Variants in TANGO6 observed in about 807,000 individuals in gnomAD.
TANGO6 encodes the protein transport and Golgi organization protein 6 homolog.
In TANGO6, 90 loss-of-function variants were observed where a neutral mutation model predicts 114.2. The ratio of observed to expected loss-of-function variants is 0.79; its 90% CI spans 0.66 to 0.94. TANGO6 has a LOEUF of 0.94. Ranked by LOEUF, TANGO6 falls within the 40% of genes least tolerant of loss-of-function variation. The pLI is 0.00. For missense variants in TANGO6, 1,274 were observed against 1,315.3 expected (o/e 0.97, Z 0.49); for synonymous variants, 477 against 509.8 (o/e 0.94, Z 0.87).
Position 69,083,625 on chromosome 16 carries a change from A to G in TANGO6, c.3249A>G (p.Pro1083=), listed in dbSNP as rs1336134884. 2.5e-6 allele frequency: 4 copies of G among 1,573,728 alleles called. No individual in the cohort carries two copies. The highest frequency in any genetic ancestry group is 1.2e-5 in the South Asian group (1 of 85,736). The change falls in exon 18 of 18, where the codon CCA becomes CCG. Residue 1083 remains proline, a synonymous_variant. Transcript: ENST00000261778. ...TCATGAAAAACTTCCTGTTCCCTCC[A>G]CAGAAGCTGGAGAAGAAGATCATGG... is the stretch of plus-strand genomic sequence containing the variant. ...DDIMKNFLFP[P]QKLEKKIMVL... is the part of the protein sequence containing the mutation.
chr16:68,881,866 G>A (rs1033177279), intron 7 of TANGO6, among the ~76,000 whole-genome samples: 42 of 152,162 alleles, frequency 2.8e-4, no homozygotes, highest in African/African-American at 9.9e-4. Context: ...TTTATTTTAG[G>A]CCCAGTGTGG....
At chr16:68,942,602 A>G (rs575398362) in intron 14 of TANGO6, among the ~76,000 whole-genome samples, 99 of 152,326 alleles carry the variant, frequency 6.5e-4, no homozygotes, top group Admixed American at 1.5e-3. Flanking sequence ...AACAATTTAG[A>G]TACATCAAGG....
At chr16:69,003,384 G>T (rs1964062611) in intron 15 of TANGO6, among the ~76,000 whole-genome samples, 3 of 152,188 alleles carry the variant, frequency 2.0e-5, no homozygotes, top group Admixed American at 6.5e-5. Flanking sequence ...CCTAAGCCAG[G>T]AATTTAACCC....
At chr16:68,893,116 T>C (rs193261578) in intron 7 of TANGO6, among the ~76,000 whole-genome samples, 37 of 152,284 alleles carry the variant, frequency 2.4e-4, no homozygotes, top group African/African-American at 8.7e-4. Context: ...TTGTTTTGCA[T>C]TTTTTGTTGG....
At chr16:68,891,717 C>A (rs906954677) in intron 7 of TANGO6, among the ~76,000 whole-genome samples, 2 of 151,998 alleles carry the variant, frequency 1.3e-5, no homozygotes, top group Non-Finnish European at 2.9e-5. Flanking sequence ...CCTTCCATGG[C>A]TGAAGTTCTA....
intron 10 of TANGO6, among the ~76,000 whole-genome samples, 184 bp downstream of exon 10, chr16:68,907,759 C>T (rs1429211906): frequency 1.4e-4 from 22 of 152,174 alleles, no homozygotes; most frequent in Admixed American, 1.4e-3. Flanking sequence ...GAAGAAACTT[C>T]TCTTCACTAG....
At chr16:69,049,690 C>T (rs1959918937) in intron 17 of TANGO6, among the ~76,000 whole-genome samples, 1 of 151,918 alleles carries the variant, frequency 6.6e-6, no homozygotes, top group African/African-American at 2.4e-5. Flanking sequence ...CCCTCCCCGC[C>T]CAGCCTCCCA....
At chr16:68,894,440 C>A (rs1480703682) in intron 7 of TANGO6, among the ~76,000 whole-genome samples, 1 of 152,000 alleles carries the variant, frequency 6.6e-6, no homozygotes, top group Non-Finnish European at 1.5e-5. Flanking sequence ...TACTGGAAAA[C>A]TTGGTATTAA....
intron 12 of TANGO6, among the ~76,000 whole-genome samples, chr16:68,926,544 T>C (rs1963169885): frequency 6.6e-6 from 1 of 151,974 alleles, no homozygotes; most frequent in Admixed American, 6.5e-5. Flanking sequence ...TTTCTTTTTT[T>C]TGAGACAGAG....
chr16:69,072,068 TAG>T (rs1555530578), intron 17 of TANGO6, among the ~76,000 whole-genome samples: 1 of 100,542 alleles, frequency 9.9e-6, no homozygotes, highest in East Asian at 2.8e-4. Flanking sequence ...TGTGTGTGTG[TAG>T]AGAGAGGGAG....
At chr16:68,901,072 A>G (rs538996785) in intron 8 of TANGO6, among the ~76,000 whole-genome samples, 1 of 152,224 alleles carries the variant, frequency 6.6e-6, no homozygotes, top group South Asian at 2.1e-4. Context: ...TATCAGCTCT[A>G]TTTTCACAGT....
intron 4 of TANGO6, among the ~76,000 whole-genome samples, chr16:68,874,117 AC>A (rs1312493937): frequency 6.6e-6 from 1 of 152,064 alleles, no homozygotes; most frequent in Non-Finnish European, 1.5e-5. Context: ...CCTCACACAT[AC>A]GTGTATCATA....
chr16:68,890,802 C>G (rs1962602890), intron 7 of TANGO6, among the ~76,000 whole-genome samples: 1 of 152,142 alleles, frequency 6.6e-6, no homozygotes, highest in Non-Finnish European at 1.5e-5. Flanking sequence ...AGTTCGATCA[C>G]CTGAGGTCAG....
intron 15 of TANGO6, among the ~76,000 whole-genome samples, chr16:69,010,255 A>T (rs1964132498): frequency 6.6e-6 from 1 of 152,178 alleles, no homozygotes; most frequent in Admixed American, 6.5e-5. Context: ...ATTGCAGTAG[A>T]ATGATCCACT....
At chr16:68,913,634 C>G (rs1962959212) in intron 11 of TANGO6, among the ~76,000 whole-genome samples, 2 of 151,794 alleles carry the variant, frequency 1.3e-5, no homozygotes, top group Non-Finnish European at 2.9e-5. Flanking sequence ...GTCTCAAACT[C>G]CTGACCTCAG....
intron 17 of TANGO6, among the ~76,000 whole-genome samples, chr16:69,041,030 A>C (rs1465051476): frequency 2.0e-5 from 3 of 152,098 alleles, no homozygotes; most frequent in Non-Finnish European, 4.4e-5. Flanking sequence ...TTTAATGGAA[A>C]CACATTCCCA....
chr16:68,999,339 A>G (rs1038651479), intron 15 of TANGO6, among the ~76,000 whole-genome samples: 7 of 152,204 alleles, frequency 4.6e-5, no homozygotes, highest in Non-Finnish European at 1.0e-4. Flanking sequence ...ACTGCAGGTC[A>G]GGAACTCTGT....
intron 14 of TANGO6, among the ~76,000 whole-genome samples, chr16:68,957,159 A>G (rs890809337): frequency 2.6e-5 from 4 of 151,882 alleles, no homozygotes; most frequent in African/African-American, 9.7e-5. Context: ...GTGTGTATGC[A>G]TGCATGCATG....
chr16:69,030,002 G>A (rs1025347575), intron 16 of TANGO6, among the ~76,000 whole-genome samples: 2 of 151,646 alleles, frequency 1.3e-5, no homozygotes, highest in African/African-American at 4.8e-5. Flanking sequence ...CAGCTGCTCA[G>A]GAGGCTGAGG....
Sources: gnomAD v4.1 joint callset for allele counts (sites outside exome capture counted in the v4.1 genomes callset) on GRCh38, gnomAD v4.1.1 for gene constraint, MANE v1.5 for transcripts, NCBI Gene and HGNC (gene_info 2026-07-23, HGNC 2026-07-21) for gene names.